The following GET1 variants were observed in gnomAD, a reference collection of about 807,000 sequenced individuals.
GET1 encodes the protein guided entry of tail-anchored proteins factor 1, also known as congenital heart disease 5 protein.
GET1 carries 20 observed loss-of-function variants against 22.6 expected under a neutral mutation model. The ratio of observed to expected loss-of-function variants is 0.89; its 90% CI spans 0.62 to 1.29. The LOEUF is 1.29. Among genes scored for constraint, GET1 ranks in the 50% most tolerant of loss-of-function variants. The probability of loss-of-function intolerance (pLI) is 0.00; values close to 1 mark genes in which losing one functional copy is unlikely to be tolerated. For missense variants in GET1, 209 were observed against 219.9 expected (o/e 0.95, Z 0.31); for synonymous variants, 92 against 83.8 (o/e 1.10, Z -0.53).
chr21:39,400,173 T>C (rs986073279), downstream of GET1, among the ~76,000 whole-genome samples: 1 of 151,530 alleles, frequency 6.6e-6, no homozygotes, highest in Middle Eastern at 3.4e-3. Flanking sequence ...TGTGTGTGTG[T>C]GTGTGTGCAC....
downstream of GET1, among the ~76,000 whole-genome samples, chr21:39,400,763 T>G (rs1344134790): frequency 6.6e-6 from 1 of 152,190 alleles, no homozygotes; most frequent in Admixed American, 6.5e-5. Flanking sequence ...CGTATCAATC[T>G]ATTGACACGC....
intron 1 of GET1, among the ~76,000 whole-genome samples, chr21:39,424,953 T>C (rs2074397869): frequency 6.6e-6 from 1 of 152,242 alleles, no homozygotes; most frequent in African/African-American, 2.4e-5. Context: ...CCCTTGTCAA[T>C]GAGCACACAG....
chr21:39,386,297 C>G (rs1337697154), intron 1 of GET1: 1 of 152,336 alleles, frequency 6.6e-6, no homozygotes, highest in African/African-American at 2.4e-5. Context: ...CTTAGTGAGT[C>G]CCTGCCATGG....
At chr21:39,406,445 G>C (rs1601669070) in exon 5 of GET1, 1 of 1,613,984 alleles carries the variant, frequency 6.2e-7, no homozygotes, top group Non-Finnish European at 8.5e-7. Flanking sequence ...ACATCTTCTT[G>C]ATTGCTTTCT....
chr21:39,398,064 C>T (rs997051685), downstream of GET1, among the ~76,000 whole-genome samples: 6 of 152,178 alleles, frequency 3.9e-5, no homozygotes, highest in Admixed American at 2.0e-4. Context: ...CACACATGCA[C>T]GCAGGCTTAC....
chr21:39,389,056 C>G (rs2038119133), intron 1 of GET1, among the ~76,000 whole-genome samples: 1 of 152,196 alleles, frequency 6.6e-6, no homozygotes, highest in African/African-American at 2.4e-5. Flanking sequence ...AGACGCCTGC[C>G]TGCCTGCCTT....
intron 1 of GET1, chr21:39,411,676 A>G: frequency 9.8e-7 from 1 of 1,017,738 alleles, no homozygotes; most frequent in East Asian, 2.5e-5. Context: ...ATCTGACTAG[A>G]TACTTAAAAA....
intron 1 of GET1, chr21:39,421,780 TAAAG>T (rs2073809726): frequency 6.6e-6 from 1 of 152,156 alleles, no homozygotes; most frequent in Non-Finnish European, 1.5e-5. Flanking sequence ...ACATTAATGT[TAAAG>T]AAATAACATG....
intron 1 of GET1, among the ~76,000 whole-genome samples, chr21:39,417,510 A>G (rs2041428941): frequency 6.6e-6 from 1 of 152,134 alleles, no homozygotes; most frequent in South Asian, 2.1e-4. Flanking sequence ...AGGCAAATAG[A>G]TGGATATATT....
chr21:39,423,249 T>A lies in GET1; in HGVS notation c.*24-4983T>A, dbSNP rs1160639780. The A allele has an allele frequency of 1.9e-6, 3 of 1,610,254 alleles. No individual in the cohort carries two copies. In the Admixed American group the frequency reaches 5.1e-5, roughly 27 times the overall value. ...GTAGATTATTTTGTGAATTCTCATA[T>A]TTTCCTATAGCTTTCAAATGCCTAA... On this transcript the variant is annotated intron_variant, in intron 1 of 1. Transcript: ENST00000478273.
chr21:39,419,082 C>A (rs1377002580), intron 1 of GET1, among the ~76,000 whole-genome samples: 1 of 152,036 alleles, frequency 6.6e-6, no homozygotes, highest in Non-Finnish European at 1.5e-5. Context: ...CTCCAAATCC[C>A]AGTTCTCAAT....
chr21:39,426,941 A>G (rs137970425), intron 1 of GET1, among the ~76,000 whole-genome samples: 14 of 152,376 alleles, frequency 9.2e-5, no homozygotes, highest in African/African-American at 3.4e-4. Context: ...GTTTACAAAC[A>G]CACATAGACA....
At chr21:39,407,792 G>A (rs564345850), downstream of GET1, 1 of 152,344 alleles carries the variant, frequency 6.6e-6, no homozygotes, top group South Asian at 2.1e-4. Context: ...ACACTTTCTA[G>A]GACACTATGA....
At chr21:39,416,916 C>T (rs1487596221) in intron 1 of GET1, among the ~76,000 whole-genome samples, 1 of 152,176 alleles carries the variant, frequency 6.6e-6, no homozygotes, top group Admixed American at 6.5e-5. Flanking sequence ...GGCTTTGTGC[C>T]ACCAATAGGA....
At chr21:39,423,463 T>C (rs80242341) in intron 1 of GET1, 3 of 1,565,318 alleles carry the variant, frequency 1.9e-6, no homozygotes, top group South Asian at 1.2e-5. Context: ...CCAGGTGTGC[T>C]TTTTTTCAAC....
Position 39,390,852 on chromosome 21 carries a change from T to C in GET1, c.257T>C (p.Leu86Pro), listed in dbSNP as rs1230739519. The change falls in exon 2 of 5, where the codon CTC becomes CCC. Residue 86 changes from leucine (L) to proline (P), a missense_variant. By Grantham distance (98) the Leu-to-Pro change is moderately conservative. Coordinates refer to ENST00000649170, the MANE Select transcript of GET1 (RefSeq NM_004627.6). Reference protein sequence around the residue: ...ERKINKMTDKLKTHVKARTAQ... With the variant: ...ERKINKMTDKPKTHVKARTAQ... ...AAGATCAACAAGATGACGGATAAGC[T>C]CAAAACCCATGGTACTGTGTCCCTT... The C allele has an allele frequency of 6.2e-7, 1 of 1,614,042 alleles. No individual in the cohort carries two copies. The highest frequency in any genetic ancestry group is 8.5e-7 in the Non-Finnish European group (1 of 1,179,998).
chr21:39,390,910 A>C, intron 2 of GET1, 47 bp downstream of exon 2: 1 of 1,601,848 alleles, frequency 6.2e-7, no homozygotes, highest in Non-Finnish European at 8.5e-7. Flanking sequence ...GCGGATGAAT[A>C]GAGAAGTCTG....
At chr21:39,398,690 T>C (rs925671232), downstream of GET1, among the ~76,000 whole-genome samples, 1 of 147,448 alleles carries the variant, frequency 6.8e-6, no homozygotes, top group African/African-American at 2.5e-5. Flanking sequence ...CTCGGCTCAC[T>C]GCACCCTTTG....
chr21:39,392,244 G>C (rs2038349269), intron 3 of GET1, among the ~76,000 whole-genome samples: 2 of 152,182 alleles, frequency 1.3e-5, no homozygotes, highest in Admixed American at 6.5e-5. Context: ...TCCAGGTAGA[G>C]AACCAGCTTT....
Sources: gnomAD v4.1 joint callset for allele counts (sites outside exome capture counted in the v4.1 genomes callset) on GRCh38, gnomAD v4.1.1 for gene constraint, MANE v1.5 for transcripts, NCBI Gene and HGNC (gene_info 2026-07-23, HGNC 2026-07-21) for gene names.